USH1C: variants seen among roughly 807,000 people sequenced by gnomAD.
The protein encoded by USH1C is USH1 protein network component harmonin.
Under a neutral mutation model 119.3 loss-of-function variants are expected in USH1C, and 90 were observed. The observed-to-expected ratio is 0.75, with a 90% CI of 0.64 to 0.90. The LOEUF is 0.90. USH1C is among the 40% of genes least tolerant of loss of function. The pLI is 0.00. For synonymous variants in USH1C, 465 were observed against 443.3 expected (o/e 1.05, Z -0.62); for missense variants, 1,165 against 1,167.7 (o/e 1.00, Z 0.03).
In USH1C at chr11:17,505,036, C is replaced by T. The variant is rs115373561; in HGVS notation, c.2134-339G>A. ...TGCCCTGACATTTGGATAGAGTTTCCTTGAAAGGGAAGTTAAAATTCTGAC... is the reference window on the plus strand; with the variant it reads ...TGCCCTGACATTTGGATAGAGTTTCTTTGAAAGGGAAGTTAAAATTCTGAC... On this transcript the variant is annotated intron_variant, in intron 19 of 26. Coordinates refer to ENST00000005226, the MANE Select transcript of USH1C (RefSeq NM_153676.4). Among the ~76,000 whole-genome samples, 796 of 152,338 alleles carry T rather than the reference C, an allele frequency of 5.2e-3. 7 individuals are homozygous for T. Among genetic ancestry groups the T allele is most frequent in the African/African-American group, 0.016 (673 of 41,578 alleles).
chr11:17,500,075 G>A (rs577793069), intron 23 of USH1C, among the ~76,000 whole-genome samples: 52 of 152,350 alleles, frequency 3.4e-4, no homozygotes, highest in East Asian at 3.3e-3. Flanking sequence ...GACACTGTCC[G>A]ACAGGTGAAC....
chr11:17,521,605 G>T (rs1192107183), intron 12 of USH1C, among the ~76,000 whole-genome samples, 194 bp from the exon 13 acceptor site: 1 of 152,184 alleles, frequency 6.6e-6, no homozygotes. Flanking sequence ...GGTTTTGTCT[G>T]GCATGGCTGA....
At chr11:17,495,741 T>C (rs1849225579) in intron 25 of USH1C, 64 bp from the exon 26 acceptor site, 1 of 1,558,862 alleles carries the variant, frequency 6.4e-7, no homozygotes, top group Non-Finnish European at 8.8e-7. Context: ...CAGAGCTCCA[T>C]GGGGCTTCTC....
intron 1 of USH1C, among the ~76,000 whole-genome samples, chr11:17,540,013 G>A (rs555845743): frequency 8.6e-5 from 13 of 151,732 alleles, no homozygotes; most frequent in South Asian, 2.1e-4. Context: ...TGTATTTTTT[G>A]TAGAGATGGG....
chr11:17,496,559 C>G (rs557485605), intron 25 of USH1C, among the ~76,000 whole-genome samples, 199 bp downstream of exon 25: 1 of 152,188 alleles, frequency 6.6e-6, no homozygotes, highest in Non-Finnish European at 1.5e-5. Flanking sequence ...CAAGACTGCC[C>G]GGGAGGCAGC....
intron 1 of USH1C, among the ~76,000 whole-genome samples, chr11:17,536,290 G>C (rs1851227796): frequency 1.3e-5 from 2 of 152,204 alleles, no homozygotes. Flanking sequence ...TGAGGCCTTA[G>C]GACTGAAGTT....
chr11:17,535,915 C>A (rs1851216394), intron 1 of USH1C, among the ~76,000 whole-genome samples: 1 of 152,208 alleles, frequency 6.6e-6, no homozygotes, highest in Non-Finnish European at 1.5e-5. Flanking sequence ...AGCCCATGTT[C>A]TTTCTGCTAC....
intron 2 of USH1C, among the ~76,000 whole-genome samples, chr11:17,532,771 C>G (rs1435486546): frequency 6.6e-6 from 1 of 152,214 alleles, no homozygotes; most frequent in East Asian, 1.9e-4. Context: ...ATGTTCATCT[C>G]CCCTCACCAG....
rs756221230 is a variant in USH1C, at chr11:17,510,478, A to C, written c.1457T>G (p.Ile486Ser). ...EREDLEESEKIQYWVERLCQT... is the reference protein window; with the variant it reads ...EREDLEESEKSQYWVERLCQT... ...ACAGAGCCTCTCCACCCAATATTGAATCTTTTCCGATTCTTCAAGGTCTTC... is the reference window on the plus strand; with the variant it reads ...ACAGAGCCTCTCCACCCAATATTGACTCTTTTCCGATTCTTCAAGGTCTTC... Residue 486 changes from isoleucine to serine, a missense_variant, in exon 17 of 27, where the codon ATT becomes AGT. Transcript: ENST00000005226. 6.2e-7 allele frequency: 1 copy of C among 1,613,808 alleles called. No homozygotes were observed. Among genetic ancestry groups the C allele is most frequent in the Admixed American group, 1.7e-5 (1 of 60,014 alleles).
chr11:17,507,369 C>A (rs975732780), intron 18 of USH1C, among the ~76,000 whole-genome samples: 2 of 152,200 alleles, frequency 1.3e-5, no homozygotes, highest in African/African-American at 4.8e-5. Context: ...CTTCCCTGGG[C>A]TCTGATCAGG....
rs1342634019 is a variant in USH1C at position 17,531,270 on chromosome 11, C to A, written c.271G>T (p.Asp91Tyr). 2 of 1,614,122 alleles carry A rather than the reference C, an allele frequency of 1.2e-6. No homozygotes were observed. Among genetic ancestry groups the A allele is most frequent in the South Asian group, 2.2e-5 (2 of 91,076 alleles). Residue 91 changes from aspartate (D) to tyrosine (Y), a missense_variant, in exon 4 of 27, where the codon GAC (aspartate) becomes TAC (tyrosine). Transcript: ENST00000005226. The surrounding 1 kb of genome is among the most constrained non-coding windows in gnomAD (Gnocchi z 4.2). ...RSRKLKEVRL[D>Y]RLHPEGLGLS... Reference sequence around the variant, plus strand: ...CCGAGGCCTTCGGGGTGCAGACGGTCCAGACGCACCTCCTTCAGCTTCCTG... The same window carrying A: ...CCGAGGCCTTCGGGGTGCAGACGGTACAGACGCACCTCCTTCAGCTTCCTG...
intron 14 of USH1C, 72 bp from the exon 15 acceptor site, chr11:17,516,362 G>A: frequency 6.7e-7 from 1 of 1,486,622 alleles, no homozygotes; most frequent in Non-Finnish European, 9.3e-7. Context: ...CAGCAGATGG[G>A]AGCTGGGTTC....
chr11:17,506,583 C>T (rs1384513631), intron 18 of USH1C, among the ~76,000 whole-genome samples: 1 of 152,234 alleles, frequency 6.6e-6, no homozygotes. Flanking sequence ...TCTCTAGCTT[C>T]CTTTTCAGCC....
chr11:17,529,685 G>A (rs1850870967), intron 4 of USH1C, among the ~76,000 whole-genome samples: 1 of 152,182 alleles, frequency 6.6e-6, no homozygotes, highest in African/African-American at 2.4e-5. Context: ...TCCCCGTCTC[G>A]CCCTGTGTGG....
At chr11:17,518,757 T>G (rs2133858867) in intron 14 of USH1C, among the ~76,000 whole-genome samples, 1 of 152,300 alleles carries the variant, frequency 6.6e-6, no homozygotes, top group East Asian at 1.9e-4. Flanking sequence ...CAGTGGCTCA[T>G]GCCTGTAATC....
At chr11:17,527,182 C>A in intron 5 of USH1C, 41 bp downstream of exon 5, 1 of 1,431,552 alleles carries the variant, frequency 7.0e-7, no homozygotes, top group South Asian at 1.2e-5. Context: ...CTCCCTCCCT[C>A]CCACCGTCAT....
At chr11:17,496,042 C>T (rs113931943) in intron 25 of USH1C, among the ~76,000 whole-genome samples, 21 of 151,576 alleles carry the variant, frequency 1.4e-4, no homozygotes, top group African/African-American at 4.8e-4. Context: ...TGCAGAATGA[C>T]AAGGACAGAG....
chr11:17,542,231 G>T lies in USH1C; in HGVS notation c.36+2041C>A, dbSNP rs189927059. Among the ~76,000 whole-genome samples, 46 of 152,366 alleles carry T rather than the reference G, an allele frequency of 3.0e-4. No individual in the cohort carries two copies. The East Asian group carries it at 7.9e-3, about 26-fold the overall frequency. Reference sequence around the variant, plus strand: ...ATTACTTCCAACAACTAAGGATTTAGATCACAAACCATTTCTTCCAAAACA... The same window carrying T: ...ATTACTTCCAACAACTAAGGATTTATATCACAAACCATTTCTTCCAAAACA... On this transcript the variant is annotated intron_variant, in intron 1 of 26. Transcript: ENST00000005226.
At chr11:17,536,418 G>A (rs1266001888) in intron 1 of USH1C, among the ~76,000 whole-genome samples, 1 of 152,232 alleles carries the variant, frequency 6.6e-6, no homozygotes, top group Non-Finnish European at 1.5e-5. Flanking sequence ...AGGTAGAAGA[G>A]TAAGGTAACT....
Sources: gnomAD v4.1 joint callset for allele counts (sites outside exome capture counted in the v4.1 genomes callset) on GRCh38, gnomAD v4.1.1 for gene constraint, Gnocchi (gnomAD v3.1) non-coding constraint, MANE v1.5 for transcripts, NCBI Gene and HGNC (gene_info 2026-07-23, HGNC 2026-07-21) for gene names.